The following SOX5 variants were observed in gnomAD, a reference collection of about 807,000 sequenced individuals.
The protein encoded by SOX5 is SRY-box transcription factor 5, also known as transcription factor SOX-5.
Under a neutral mutation model 92.0 loss-of-function variants are expected in SOX5, and 9 were observed. The ratio of observed to expected loss-of-function variants is 0.10; its 90% confidence interval spans 0.06 to 0.17. The LOEUF is 0.17. SOX5 is among the 10% of genes least tolerant of loss of function. SOX5 has a pLI of 1.00. For missense variants in SOX5, 642 were observed against 944.5 expected (o/e 0.68, Z 4.20); for synonymous variants, 344 against 336.3 (o/e 1.02, Z -0.25).
intron 1 of SOX5, among the ~76,000 whole-genome samples, chr12:24,442,877 G>A (rs947624306): frequency 3.9e-5 from 6 of 152,018 alleles, no homozygotes; most frequent in African/African-American, 1.4e-4. Flanking sequence ...AGATGATACC[G>A]CATATGCTAA....
At chr12:24,526,775 G>A (rs949539009) in intron 1 of SOX5, among the ~76,000 whole-genome samples, 5 of 151,846 alleles carry the variant, frequency 3.3e-5, no homozygotes, top group Non-Finnish European at 7.4e-5. Context: ...ACTACTGTCC[G>A]CCACATTATG....
chr12:24,243,569 TGTAA>T (rs1205969469), intron 3 of SOX5, among the ~76,000 whole-genome samples: 1 of 152,180 alleles, frequency 6.6e-6, no homozygotes, highest in Non-Finnish European at 1.5e-5. Flanking sequence ...AATCAGTCCA[TGTAA>T]GTATTACTTT....
intron 3 of SOX5, among the ~76,000 whole-genome samples, chr12:23,777,304 T>C (rs1425689173): frequency 6.6e-6 from 1 of 152,178 alleles, no homozygotes; most frequent in Non-Finnish European, 1.5e-5. Context: ...CTCCCATGTA[T>C]GCTATACATC....
intron 1 of SOX5, among the ~76,000 whole-genome samples, chr12:24,457,293 C>T (rs1943126056): frequency 6.6e-6 from 1 of 151,970 alleles, no homozygotes; most frequent in African/African-American, 2.4e-5. Flanking sequence ...TTACCTTAAC[C>T]TGAAAATTAA....
At chr12:24,252,938 G>T (rs1460790045) in intron 3 of SOX5, among the ~76,000 whole-genome samples, 1 of 152,068 alleles carries the variant, frequency 6.6e-6, no homozygotes, top group Non-Finnish European at 1.5e-5. Context: ...CTGATAAATC[G>T]ATACAGCAAA....
At chr12:24,258,326 A>AC (rs148943098) in intron 3 of SOX5, among the ~76,000 whole-genome samples, 4,715 of 152,344 alleles carry the variant, frequency 0.031, 136 homozygotes, top group African/African-American at 0.08. Context: ...TACATGGTTT[A>AC]CCTTTGAGCA....
intron 1 of SOX5, among the ~76,000 whole-genome samples, chr12:24,397,854 T>A (rs1017031058): frequency 2.6e-5 from 4 of 151,812 alleles, no homozygotes; most frequent in African/African-American, 9.7e-5. Context: ...TTAATTTATT[T>A]ATTTATTTAT....
chr12:24,512,166 T>A (rs923456894), intron 1 of SOX5, among the ~76,000 whole-genome samples: 5 of 152,280 alleles, frequency 3.3e-5, no homozygotes, highest in Admixed American at 6.5e-5. Flanking sequence ...ATGTAGACCT[T>A]CCTCTATGCC....
intron 3 of SOX5, among the ~76,000 whole-genome samples, chr12:24,225,927 A>G (rs916835701): frequency 2.6e-5 from 4 of 152,232 alleles, no homozygotes; most frequent in African/African-American, 7.2e-5. Flanking sequence ...TGTTAGTTGT[A>G]GGAATCAAAG....
intron 2 of SOX5, among the ~76,000 whole-genome samples, chr12:24,279,068 G>A (rs1355699324): frequency 3.3e-5 from 5 of 151,848 alleles, no homozygotes; most frequent in Admixed American, 1.3e-4. Context: ...TTTTATTATA[G>A]AACATGAAAA....
chr12:24,554,158 G>C (rs542105391), intron 1 of SOX5, among the ~76,000 whole-genome samples: 5 of 152,188 alleles, frequency 3.3e-5, no homozygotes, highest in Non-Finnish European at 7.3e-5. Context: ...ACTCCTGATA[G>C]TATACATCAA....
intron 2 of SOX5, among the ~76,000 whole-genome samples, chr12:24,293,648 C>T (rs909969993): frequency 2.0e-5 from 3 of 151,960 alleles, no homozygotes; most frequent in African/African-American, 7.3e-5. Flanking sequence ...CATTAATATT[C>T]CAGAAGGTGG....
At chr12:23,582,909 T>C (rs1294916548) in intron 9 of SOX5, among the ~76,000 whole-genome samples, 1 of 152,116 alleles carries the variant, frequency 6.6e-6, no homozygotes, top group Admixed American at 6.6e-5. Flanking sequence ...AGAGTACCCA[T>C]CATTTTATTT....
At chr12:23,831,325 T>C (rs1328664750) in intron 3 of SOX5, among the ~76,000 whole-genome samples, 1 of 152,118 alleles carries the variant, frequency 6.6e-6, no homozygotes, top group Non-Finnish European at 1.5e-5. Context: ...TACTGTTTTG[T>C]TCATAAACAT....
intron 4 of SOX5, among the ~76,000 whole-genome samples, chr12:24,084,648 A>G (rs1264827736): frequency 2.0e-5 from 3 of 152,066 alleles, no homozygotes; most frequent in Non-Finnish European, 1.5e-5. Flanking sequence ...ACCAGTTACA[A>G]TAACTTTGCT....
Position 23,713,706 on chromosome 12 carries a change from A to T in SOX5, c.810+20978T>A, listed in dbSNP as rs867451068. On this transcript the variant is annotated intron_variant, in intron 6 of 14. Transcript: ENST00000451604. ...ATTGAAATTATCTGGAATATATATA[A>T]ATATATATATATATCTTTTATATAT... Among the ~76,000 whole-genome samples, 3 of 146,978 alleles carry T rather than the reference A, an allele frequency of 2.0e-5. 1 individual carries two copies. Among genetic ancestry groups the T allele is most frequent in the Middle Eastern group, 7.1e-3 (2 of 280 alleles).
intron 1 of SOX5, among the ~76,000 whole-genome samples, chr12:23,937,920 A>G (rs1942933312): frequency 6.6e-6 from 1 of 150,844 alleles, no homozygotes; most frequent in Non-Finnish European, 1.5e-5. Flanking sequence ...TATAGTCACA[A>G]ACTTAAGTGC....
At chr12:24,456,790 G>C (rs144580496) in intron 1 of SOX5, among the ~76,000 whole-genome samples, 215 of 152,256 alleles carry the variant, frequency 1.4e-3, no homozygotes, top group Non-Finnish European at 2.1e-3. Context: ...ATTAAAGACA[G>C]CTTCCCCACA....
chr12:23,614,742 G>A (rs189947245), intron 8 of SOX5, among the ~76,000 whole-genome samples: 10 of 152,264 alleles, frequency 6.6e-5, no homozygotes, highest in African/African-American at 2.2e-4. Flanking sequence ...AGACTTTTCT[G>A]AAGTGGCTGA....
Sources: gnomAD v4.1 joint callset for allele counts (sites outside exome capture counted in the v4.1 genomes callset) on GRCh38, gnomAD v4.1.1 for gene constraint, MANE v1.5 for transcripts, NCBI Gene and HGNC (gene_info 2026-07-23, HGNC 2026-07-21) for gene names.